The following RB1 variants were observed in gnomAD, a reference collection of about 807,000 sequenced individuals.
RB1 encodes the protein RB transcriptional corepressor 1.
Under a neutral mutation model 135.4 loss-of-function variants are expected in RB1, and 18 were observed. The observed-to-expected ratio is 0.13, with a 90% CI of 0.09 to 0.20. The LOEUF (loss-of-function observed/expected upper bound fraction) is 0.20, where lower values mean the gene tolerates loss of function less well. Among genes scored for constraint, RB1 ranks in the 10% least tolerant of loss-of-function variants. RB1 has a pLI of 1.00. For synonymous variants in RB1, 365 were observed against 373.2 expected, an observed-to-expected ratio of 0.98 and a Z score of 0.25; for missense variants, 868 against 1,110.0, an observed-to-expected ratio of 0.78 and a Z score of 3.10.
chr13:48,317,644 C>T (rs1952197711), intron 2 of RB1: 1 of 499,864 alleles, frequency 2.0e-6, no homozygotes, highest in Non-Finnish European at 3.2e-6. Context: ...CGCTGAGAGC[C>T]CCTTGGCGGA....
intron 17 of RB1, among the ~76,000 whole-genome samples, chr13:48,402,852 G>C (rs1948705534): frequency 6.6e-6 from 1 of 151,852 alleles, no homozygotes; most frequent in Admixed American, 6.6e-5. Context: ...CAATAATTTT[G>C]GCCATTAGCA....
chr13:48,349,203 T>C (rs760051957), intron 6 of RB1, among the ~76,000 whole-genome samples, 180 bp downstream of exon 6: 1 of 151,826 alleles, frequency 6.6e-6, no homozygotes, highest in African/African-American at 2.4e-5. Context: ...TTGGAAATGC[T>C]TTATTTAATT....
At chr13:48,367,458 G>A in intron 9 of RB1, 36 bp from the exon 10 acceptor site, 1 of 1,587,310 alleles carries the variant, frequency 6.3e-7, no homozygotes, top group East Asian at 2.3e-5. Context: ...GTAATGACAT[G>A]TAAAGGATAA....
chr13:48,413,740 A>G (rs1948858728), intron 17 of RB1, among the ~76,000 whole-genome samples: 1 of 152,140 alleles, frequency 6.6e-6, no homozygotes, highest in Non-Finnish European at 1.5e-5. Context: ...TTTTTAAATT[A>G]CTCATTTCTC....
Position 48,464,958 on chromosome 13 carries a change from CTTTT to C in RB1, c.2212-19_2212-16del, listed in dbSNP as rs553094345. ...AAATTCATTTAACAAGTAAATTTTA[CTTTT>C]TTTTTTTTTTTTTTTTTTTTACTGT... On this transcript the variant is annotated intron_variant, in intron 21 of 26. Coordinates refer to ENST00000267163, the MANE Select transcript of RB1 (RefSeq NM_000321.3). The C allele has an allele frequency of 3.5e-3, 2,870 of 829,362 alleles. No homozygotes were observed. The highest frequency in any genetic ancestry group is 8.2e-3 in the East Asian group (155 of 18,872). 51.4% of individuals were successfully genotyped at this position (829,362 alleles called of 1,614,324 possible).
intron 11 of RB1, 89 bp downstream of exon 11, chr13:48,368,693 T>C: frequency 6.7e-7 from 1 of 1,493,450 alleles, no homozygotes; most frequent in Non-Finnish European, 9.0e-7. Flanking sequence ...CTTTATGTAT[T>C]CATACATACA....
intron 17 of RB1, among the ~76,000 whole-genome samples, chr13:48,443,129 T>A (rs1424686550): frequency 6.6e-6 from 1 of 151,832 alleles, no homozygotes; most frequent in African/African-American, 2.4e-5. Context: ...TACTATTCCT[T>A]TAAACATTGT....
In RB1 at chr13:48,319,458, A is replaced by G; in HGVS notation, c.264+12052A>G. On this transcript the variant is annotated intron_variant, in intron 2 of 26. Transcript: ENST00000267163. This position sits in a 1 kb window ranked among gnomAD's most constrained non-coding sequence, Gnocchi z 5.0. The stretch of plus-strand genomic sequence containing the variant: ...ACTTGTGACTTGCTTTCCCCTTCTC[A>G]GGGCGCCAGCGCTCCTCTTGACCCC... The G allele has an allele frequency of 3.0e-6, 1 of 333,378 alleles. No homozygotes were observed. Among genetic ancestry groups the G allele is most frequent in the Non-Finnish European group, 5.7e-6 (1 of 175,898 alleles). The allele number at this position is 333,378 out of a possible 1,614,324, so 20.7% of individuals were successfully genotyped here. A position where few individuals can be genotyped will look rare whatever the true frequency, so the allele number is the denominator to read the frequency against.
At chr13:48,354,254 A>T (rs766766713) in intron 6 of RB1, among the ~76,000 whole-genome samples, 1 of 152,220 alleles carries the variant, frequency 6.6e-6, no homozygotes, top group African/African-American at 2.4e-5. Flanking sequence ...ATAGAAAATC[A>T]ACATACAAAA....
chr13:48,420,537 G>A (rs548440731), intron 17 of RB1, among the ~76,000 whole-genome samples: 1 of 152,190 alleles, frequency 6.6e-6, no homozygotes, highest in South Asian at 2.1e-4. Flanking sequence ...TTCTGTTCAG[G>A]GCAGTTAGAA....
chr13:48,381,227 CT>C lies in RB1; in HGVS notation c.1499-10del, dbSNP rs148580581. The stretch of plus-strand genomic sequence containing the variant: ...AGGGTTAATATTTCATAAATAGTTA[CT>C]TTTTTTTTTCATTTTTAGGAAGTAC... On this transcript the variant is annotated intron_variant, in intron 16 of 26. Transcript: ENST00000267163. 2.0e-3 allele frequency: 2,911 copies of C among 1,462,020 alleles called. 2 individuals carry two copies. Among genetic ancestry groups the C allele is most frequent in the South Asian group, 4.3e-3 (329 of 77,194 alleles). 90.6% of individuals were successfully genotyped at this position (1,462,020 alleles called of 1,614,324 possible). A position where few individuals can be genotyped will look rare whatever the true frequency, so the allele number is the denominator to read the frequency against.
chr13:48,411,694 G>T, intron 17 of RB1: 1 of 1,607,284 alleles, frequency 6.2e-7, no homozygotes, highest in South Asian at 1.1e-5. Flanking sequence ...ATATTGTAAG[G>T]AACAAAACAG....
chr13:48,393,583 A>C (rs1476287741), intron 17 of RB1, among the ~76,000 whole-genome samples: 5 of 152,204 alleles, frequency 3.3e-5, no homozygotes, highest in Non-Finnish European at 5.9e-5. Context: ...CAGGGTTACT[A>C]AACGTAAGGC....
chr13:48,345,825 A>G (rs1242927485), intron 4 of RB1, among the ~76,000 whole-genome samples: 2 of 152,222 alleles, frequency 1.3e-5, no homozygotes, highest in Non-Finnish European at 2.9e-5. Flanking sequence ...GTGTTAGCTA[A>G]ATAAGCAATT....
intron 12 of RB1, among the ~76,000 whole-genome samples, chr13:48,374,713 A>G (rs2138133147): frequency 6.6e-6 from 1 of 152,318 alleles, no homozygotes; most frequent in East Asian, 1.9e-4. Context: ...CTTTCTTCTC[A>G]TATCATTTTG....
At chr13:48,309,454 T>C (rs138727755) in intron 2 of RB1, among the ~76,000 whole-genome samples, 1,901 of 152,316 alleles carry the variant, frequency 0.012, 20 homozygotes, top group Middle Eastern at 0.037. Flanking sequence ...TCACATTTCT[T>C]ATGTAAAAAG....
chr13:48,304,067 C>T lies in RB1; in HGVS notation c.137+18C>T, dbSNP rs2138028219. ...CTCGTCAGGTGAGCGAGCAGAGCCG[C>T]CGTCGCCTCACGCGGGAAGGGCGCC... is the stretch of plus-strand genomic sequence containing the variant. On this transcript the variant is annotated intron_variant, in intron 1 of 26. Transcript: ENST00000267163. The T allele has an allele frequency of 7.1e-7, 1 of 1,407,594 alleles. No individual in the cohort carries two copies. The highest frequency in any genetic ancestry group is 9.2e-7 in the Non-Finnish European group (1 of 1,089,612). 87.2% of individuals were successfully genotyped at this position (1,407,594 alleles called of 1,614,324 possible). A position where few individuals can be genotyped will look rare whatever the true frequency, so the allele number is the denominator to read the frequency against.
At chr13:48,403,370 A>C (rs1046117433) in intron 17 of RB1, among the ~76,000 whole-genome samples, 1 of 152,280 alleles carries the variant, frequency 6.6e-6, no homozygotes, top group East Asian at 1.9e-4. Context: ...GGGGAGTGAA[A>C]CCCAGCAGTA....
chr13:48,417,529 G>T (rs2138226626), intron 17 of RB1, among the ~76,000 whole-genome samples: 1 of 152,222 alleles, frequency 6.6e-6, no homozygotes, highest in African/African-American at 2.4e-5. Flanking sequence ...CTCTTCCAAA[G>T]AATCACAACT....
Sources: gnomAD v4.1 joint callset for allele counts (sites outside exome capture counted in the v4.1 genomes callset) on GRCh38, gnomAD v4.1.1 for gene constraint, Gnocchi (gnomAD v3.1) non-coding constraint, MANE v1.5 for transcripts, NCBI Gene and HGNC (gene_info 2026-07-23, HGNC 2026-07-21) for gene names.